DNMT3A: variants seen among roughly 807,000 people sequenced by gnomAD.
DNMT3A encodes DNA methyltransferase 3 alpha.
In DNMT3A, 267 loss-of-function variants were observed where a neutral mutation model predicts 117.6. That is an observed-to-expected ratio of 2.27 (90% confidence interval 2.05 to 2.51). The LOEUF (loss-of-function observed/expected upper bound fraction) is 2.51. Among genes scored for constraint, DNMT3A ranks in the 30% most tolerant of loss-of-function variants. The pLI is 0.00. For missense variants in DNMT3A, 1,029 were observed against 1,260.2 expected (o/e 0.82, Z 2.78); for synonymous variants, 432 against 474.8 (o/e 0.91, Z 1.17).
At chr2:25,319,261 G>A (rs1290479737) in intron 1 of DNMT3A, among the ~76,000 whole-genome samples, 13 of 151,810 alleles carry the variant, frequency 8.6e-5, no homozygotes, top group East Asian at 7.7e-4. Context: ...TGATCCGCCC[G>A]CCTTAGCCTC....
At position 25,246,311 on chromosome 2, in the gene DNMT3A, TGGA is replaced by T; in HGVS notation, c.1280-5_1280-3del. 6.3e-7 allele frequency: 1 copy of T among 1,597,024 alleles called. No homozygotes were observed. The highest frequency in any genetic ancestry group is 8.5e-7 in the Non-Finnish European group (1 of 1,170,472). ...CTTCTTTGTAGGGATTCTTCTCTTC[TGGA>T]GGAGGAAAGCAGGTGCCAAGGTCAG... On this transcript the variant is annotated splice_region_variant and splice_polypyrimidine_tract_variant and intron_variant, in intron 10 of 22. Transcript: ENST00000321117.
rs1573343096 is a variant in DNMT3A at position 25,248,137 on chromosome 2, T to G, written c.755A>C (p.Asp252Ala). The change falls in exon 7 of 23, where the codon GAC becomes GCC. Residue 252 changes from aspartate to alanine, a missense_variant. Physicochemically the swap from Asp to Ala is moderately radical, Grantham distance 126 (BLOSUM62 -2). Coordinates refer to ENST00000321117, the MANE Select transcript of DNMT3A (RefSeq NM_022552.5). ...GGTAGCCACAGTGGGGGATGCGGGG[T>G]CAGTGGGCTGCTGCACAGCAGGAGG... ...ASPPAVQQPT[D>A]PASPTVATTP... 1 of 1,613,720 alleles carries G rather than the reference T, an allele frequency of 6.2e-7. No individual in the cohort carries two copies. The highest frequency in any genetic ancestry group is 8.5e-7 in the Non-Finnish European group (1 of 1,179,942).
At chr2:25,272,680 C>T (rs2031017603) in intron 6 of DNMT3A, among the ~76,000 whole-genome samples, 2 of 152,174 alleles carry the variant, frequency 1.3e-5, no homozygotes, top group Non-Finnish European at 2.9e-5. Context: ...CCTCTCCTCC[C>T]AGACCTCAGA....
chr2:25,316,818 C>T (rs1322985045), intron 1 of DNMT3A, among the ~76,000 whole-genome samples: 1 of 152,202 alleles, frequency 6.6e-6, no homozygotes, highest in African/African-American at 2.4e-5. Context: ...AGAACCCTAC[C>T]ACCATGAAAA....
At chr2:25,239,571 G>A (rs1443275646) in intron 19 of DNMT3A, 4 of 535,954 alleles carry the variant, frequency 7.5e-6, no homozygotes, top group Admixed American at 4.5e-5. Flanking sequence ...GTAAACAGCC[G>A]CATGTGGCTG....
At position 25,237,006 on chromosome 2, in the gene DNMT3A, C is replaced by G. The variant is rs866917013; in HGVS notation, c.2409-1G>C. The G allele has an allele frequency of 6.2e-7, 1 of 1,613,588 alleles. No homozygotes were observed. Among genetic ancestry groups the G allele is most frequent in the Non-Finnish European group, 8.5e-7 (1 of 1,179,896 alleles). On this transcript the variant is annotated splice_acceptor_variant, in intron 20 of 22. Transcript: ENST00000321117. LOFTEE classifies it high-confidence loss of function. This position sits in a 1 kb window ranked among gnomAD's most constrained non-coding sequence, Gnocchi z 5.4. ...ATCATTCACAGTGGATGCCAACGGC[C>G]TAGGAGGCAGAAGAGAGACTGTAAC...
At position 25,239,147 on chromosome 2, in the gene DNMT3A, G is replaced by C; in HGVS notation, c.2391C>G (p.Asn797Lys). Residue 797 changes from asparagine (N) to lysine (K), a missense_variant, in exon 20 of 23, where the codon AAC becomes AAG. By Grantham distance (94) the Asn-to-Lys change is moderately conservative. Coordinates refer to ENST00000321117, the MANE Select transcript of DNMT3A (RefSeq NM_022552.5). ...TCACCAACCTGTTCATACCGGGAAGGTTACCCCAGAAGTAGCGGGCCCTGT... is the reference window on the plus strand; with the variant it reads ...TCACCAACCTGTTCATACCGGGAAGCTTACCCCAGAAGTAGCGGGCCCTGT... ...AAHRARYFWG[N>K]LPGMNRPLAS... The C allele has an allele frequency of 1.2e-6, 2 of 1,614,060 alleles. No individual in the cohort carries two copies. The highest frequency in any genetic ancestry group is 8.5e-7 in the Non-Finnish European group (1 of 1,179,938).
At chr2:25,264,291 C>T (rs866798157) in intron 6 of DNMT3A, among the ~76,000 whole-genome samples, 1 of 151,818 alleles carries the variant, frequency 6.6e-6, no homozygotes, top group Non-Finnish European at 1.5e-5. Flanking sequence ...AGGCATGTGC[C>T]ACCACGCCCA....
chr2:25,263,435 G>T (rs1676774762), intron 6 of DNMT3A, among the ~76,000 whole-genome samples: 1 of 152,082 alleles, frequency 6.6e-6, no homozygotes, highest in East Asian at 1.9e-4. Flanking sequence ...TCTGGGACAG[G>T]GACTATATCC....
At chr2:25,313,470 C>T (rs970909593) in intron 2 of DNMT3A, among the ~76,000 whole-genome samples, 5 of 152,208 alleles carry the variant, frequency 3.3e-5, no homozygotes, top group African/African-American at 7.2e-5. Context: ...TCGTGTCTGC[C>T]GTGCCCCACC....
chr2:25,264,172 C>G (rs1462342821), intron 6 of DNMT3A, among the ~76,000 whole-genome samples: 1 of 95,842 alleles, frequency 1.0e-5, no homozygotes, highest in Non-Finnish European at 2.0e-5. Flanking sequence ...CAAGGTCTCG[C>G]TCTGTCGCCC....
chr2:25,278,063 C>T (rs976553707), intron 4 of DNMT3A, among the ~76,000 whole-genome samples: 2 of 124,698 alleles, frequency 1.6e-5, no homozygotes, highest in South Asian at 2.7e-4. Context: ...TCCAGCCTGG[C>T]CGGGCCGCCT....
chr2:25,261,493 G>T (rs1196643418), intron 6 of DNMT3A, among the ~76,000 whole-genome samples: 1 of 136,168 alleles, frequency 7.3e-6, no homozygotes, highest in Non-Finnish European at 1.5e-5. Flanking sequence ...TATAATCCCA[G>T]CTACTTGGGA....
At chr2:25,320,266 G>A (rs1488791341) in intron 1 of DNMT3A, among the ~76,000 whole-genome samples, 1 of 152,214 alleles carries the variant, frequency 6.6e-6, no homozygotes, top group Non-Finnish European at 1.5e-5. Flanking sequence ...CTAGCCCAGA[G>A]TGAAAGAGGA....
chr2:25,250,722 T>G (rs1301423339), intron 6 of DNMT3A, among the ~76,000 whole-genome samples: 1 of 152,224 alleles, frequency 6.6e-6, no homozygotes, highest in Non-Finnish European at 1.5e-5. Context: ...GCTTCAGGCA[T>G]GGGTGGCTGA....
intron 6 of DNMT3A, among the ~76,000 whole-genome samples, chr2:25,274,471 C>A (rs777504216): frequency 4.6e-5 from 7 of 152,234 alleles, no homozygotes; most frequent in Non-Finnish European, 8.8e-5. Context: ...CCATTTCACC[C>A]TGGCATACAG....
chr2:25,281,745 C>T lies in DNMT3A; in HGVS notation c.448+696G>A. On this transcript the variant is annotated intron_variant, in intron 4 of 22. Transcript: ENST00000321117. This position sits in a 1 kb window ranked among gnomAD's most constrained non-coding sequence, Gnocchi z 4.8. ...GCTCGGTTGGCCCTGAAATTGCTGG[C>T]TTAACCTGAAAGAGAAAAGTGGGCA... is the stretch of plus-strand genomic sequence containing the variant. 1 of 1,065,944 alleles carries T rather than the reference C, an allele frequency of 9.4e-7. No homozygotes were observed. The highest frequency in any genetic ancestry group is 1.1e-6 in the Non-Finnish European group (1 of 879,676). 66.0% of individuals were successfully genotyped at this position (1,065,944 alleles called of 1,614,324 possible). A position where few individuals can be genotyped will look rare whatever the true frequency, so the allele number is the denominator to read the frequency against.
Position 25,305,065 on chromosome 2 carries a change from A to G in DNMT3A, c.73-4822T>C, listed in dbSNP as rs2149414233. On this transcript the variant is annotated intron_variant, in intron 2 of 22. Transcript: ENST00000321117. This position sits in a 1 kb window ranked among gnomAD's most constrained non-coding sequence, Gnocchi z 4.1. ...TTTAGTCCAAGGCAGGCACTTGATGAATGACTGTCACAGAGTAGGTGCCTG... is the reference window on the plus strand; with the variant it reads ...TTTAGTCCAAGGCAGGCACTTGATGGATGACTGTCACAGAGTAGGTGCCTG... Among the ~76,000 whole-genome samples, 1 of 152,232 alleles carries G rather than the reference A, an allele frequency of 6.6e-6. No individual in the cohort carries two copies. Among genetic ancestry groups the G allele is most frequent in the East Asian group, 1.9e-4 (1 of 5,202 alleles).
chr2:25,256,278 A>G (rs976608922), intron 6 of DNMT3A, among the ~76,000 whole-genome samples: 2 of 152,096 alleles, frequency 1.3e-5, no homozygotes, highest in Admixed American at 6.5e-5. Context: ...CTAGGCCCCC[A>G]CGAATCTGGA....
Sources: allele counts gnomAD v4.1 joint callset (sites outside exome capture counted in the v4.1 genomes callset), GRCh38; gene constraint gnomAD v4.1.1; non-coding constraint Gnocchi (gnomAD v3.1); transcripts MANE v1.5; gene names NCBI Gene and HGNC (gene_info 2026-07-23, HGNC 2026-07-21).